The following SLCO3A1 variants were observed in gnomAD, a reference collection of about 807,000 sequenced individuals.
SLCO3A1 encodes solute carrier organic anion transporter family member 3A1.
In SLCO3A1, 27 loss-of-function variants were observed where a neutral mutation model predicts 63.1. The ratio of observed to expected loss-of-function variants is 0.43; its 90% CI spans 0.32 to 0.59. The LOEUF is 0.59. SLCO3A1 is among the 20% of genes least tolerant of loss of function. The probability of loss-of-function intolerance (pLI) is 0.09; values close to 1 mark genes in which losing one functional copy is unlikely to be tolerated. For synonymous variants in SLCO3A1, 473 were observed against 409.9 expected (o/e 1.15, Z -1.86); for missense variants, 773 against 945.8 (o/e 0.82, Z 2.40).
chr15:92,170,605 T>C (rs1019989920), downstream of SLCO3A1, among the ~76,000 whole-genome samples: 2 of 152,214 alleles, frequency 1.3e-5, no homozygotes, highest in Admixed American at 6.5e-5. Context: ...TAGCTTCTTA[T>C]GAAGCCTCTG....
chr15:91,900,407 G>T lies in SLCO3A1; in HGVS notation c.181-15586G>T, dbSNP rs1371928530. On this transcript the variant is annotated intron_variant, in intron 1 of 9. Transcript: ENST00000318445. The surrounding 1 kb of genome is among the most constrained non-coding windows in gnomAD (Gnocchi z 4.3). ...TGCAGTGGTGTGATCTCAGCTCACTGCAACCTCCACTTCCTGGGTTCAAGC... is the reference window on the plus strand; with the variant it reads ...TGCAGTGGTGTGATCTCAGCTCACTTCAACCTCCACTTCCTGGGTTCAAGC... 6.6e-6 allele frequency among the ~76,000 whole-genome samples: 1 copy of T among 152,180 alleles called. No homozygotes were observed. The highest frequency in any genetic ancestry group is 1.9e-4 in the East Asian group (1 of 5,198).
intron 2 of SLCO3A1, among the ~76,000 whole-genome samples, chr15:91,962,479 CAAAAAAAAAAA>C (rs35274991): frequency 3.7e-5 from 3 of 81,732 alleles, no homozygotes; most frequent in East Asian, 3.6e-4. Context: ...AACTCCGTCT[CAAAAAAAAAAA>C]AAAAAAAAAA....
At chr15:91,997,643 A>G (rs576730162) in intron 2 of SLCO3A1, among the ~76,000 whole-genome samples, 1 of 152,246 alleles carries the variant, frequency 6.6e-6, no homozygotes, top group Non-Finnish European at 1.5e-5. Flanking sequence ...ATGACATGGT[A>G]CTTATACAAA....
At chr15:92,000,270 T>G (rs2046237815) in intron 2 of SLCO3A1, among the ~76,000 whole-genome samples, 1 of 152,136 alleles carries the variant, frequency 6.6e-6, no homozygotes. Flanking sequence ...CCCACAGTTA[T>G]GAAATCATGC....
chr15:91,958,878 A>G (rs1378818341), intron 2 of SLCO3A1, among the ~76,000 whole-genome samples: 3 of 152,206 alleles, frequency 2.0e-5, no homozygotes, highest in Non-Finnish European at 4.4e-5. Context: ...TTAAAGAACT[A>G]AAAGGAGAAC....
At chr15:92,079,760 C>T (rs961466348) in intron 2 of SLCO3A1, among the ~76,000 whole-genome samples, 3 of 152,202 alleles carry the variant, frequency 2.0e-5, no homozygotes, top group South Asian at 2.1e-4. Context: ...GTGAGTGCCT[C>T]GAGCACAGCC....
chr15:91,996,730 C>T (rs924012246), intron 2 of SLCO3A1, among the ~76,000 whole-genome samples: 2 of 152,050 alleles, frequency 1.3e-5, no homozygotes, highest in Non-Finnish European at 2.9e-5. Context: ...AACAACACTA[C>T]AATTAATGAG....
At chr15:92,049,302 C>G (rs897932684) in intron 2 of SLCO3A1, among the ~76,000 whole-genome samples, 1 of 152,136 alleles carries the variant, frequency 6.6e-6, no homozygotes, top group Non-Finnish European at 1.5e-5. Context: ...TGTCTGAAAT[C>G]CAGATTCCCA....
chr15:91,884,486 T>G, intron 1 of SLCO3A1, among the ~76,000 whole-genome samples: 1 of 130,700 alleles, frequency 7.7e-6, no homozygotes, highest in East Asian at 2.3e-4. Flanking sequence ...CGCTCCACCC[T>G]GGGCAACAGA....
chr15:91,892,987 T>C (rs2151358563), intron 1 of SLCO3A1, among the ~76,000 whole-genome samples: 1 of 152,356 alleles, frequency 6.6e-6, no homozygotes, highest in Admixed American at 6.5e-5. Flanking sequence ...GTATGATACT[T>C]GGCTAGTAAT....
intron 9 of SLCO3A1, chr15:92,155,195 GTCTTGGCTACTCC>G (rs1055107709): frequency 6.6e-6 from 1 of 151,518 alleles, no homozygotes; most frequent in Non-Finnish European, 1.5e-5. Flanking sequence ...TTCTGCAGGT[GTCTTGGCTACTCC>G]TTTTCTCTCC....
intron 8 of SLCO3A1, among the ~76,000 whole-genome samples, chr15:92,147,624 A>G (rs1045541770): frequency 6.6e-6 from 1 of 152,122 alleles, no homozygotes; most frequent in Admixed American, 6.5e-5. Flanking sequence ...CACTGAGACC[A>G]TGTGTGTGCA....
rs2048484313 is a variant in SLCO3A1 at position 92,165,257 on chromosome 15, T to G, written c.*2122T>G. 1.4e-5 allele frequency: 14 copies of G among 985,412 alleles called. No homozygotes were observed. The highest frequency in any genetic ancestry group is 1.7e-5 in the Non-Finnish European group (14 of 829,916). The allele number at this position is 985,412 out of a possible 1,614,324, so 61.0% of individuals were successfully genotyped here. On this transcript the variant is annotated 3_prime_UTR_variant, in exon 10 of 10. Transcript: ENST00000318445. ...TGCTTAGTGTTAGTATGTCCTTGCTTATGAAAATGGGGACACTCATCAGTA... is the reference window on the plus strand; with the variant it reads ...TGCTTAGTGTTAGTATGTCCTTGCTGATGAAAATGGGGACACTCATCAGTA...
intron 2 of SLCO3A1, among the ~76,000 whole-genome samples, chr15:91,934,841 G>A (rs1049147918): frequency 3.3e-5 from 5 of 152,054 alleles, no homozygotes; most frequent in Admixed American, 2.0e-4. Flanking sequence ...GTATAATTCC[G>A]TAAGTTACTG....
chr15:92,130,757 C>G (rs1223936376), intron 7 of SLCO3A1, among the ~76,000 whole-genome samples: 1 of 152,002 alleles, frequency 6.6e-6, no homozygotes, highest in African/African-American at 2.4e-5. Context: ...GAGTGAAAAG[C>G]AATTTAAATC....
chr15:92,068,918 G>A (rs1368719196), intron 2 of SLCO3A1, among the ~76,000 whole-genome samples: 1 of 152,094 alleles, frequency 6.6e-6, no homozygotes, highest in Non-Finnish European at 1.5e-5. Context: ...TAACACGCTG[G>A]GTCACACAAC....
rs372454258 is a variant in SLCO3A1 at position 92,165,605 on chromosome 15, C to T, written c.*2470C>T. On this transcript the variant is annotated 3_prime_UTR_variant, in exon 10 of 10. Coordinates refer to ENST00000318445, the MANE Select transcript of SLCO3A1 (RefSeq NM_013272.4). ...AGATGTTAGAATAACAGGAAGACAACTCCAGGGCTGAGTTTTATCAGCAAT... is the reference window on the plus strand; with the variant it reads ...AGATGTTAGAATAACAGGAAGACAATTCCAGGGCTGAGTTTTATCAGCAAT... 4.1e-6 allele frequency: 4 copies of T among 985,222 alleles called. No homozygotes were observed. The highest frequency in any genetic ancestry group is 4.8e-6 in the Non-Finnish European group (4 of 829,810). The allele number at this position is 985,222 out of a possible 1,614,324, so 61.0% of individuals were successfully genotyped here.
intron 9 of SLCO3A1, among the ~76,000 whole-genome samples, chr15:92,159,375 C>T (rs1048342585): frequency 1.3e-5 from 2 of 151,862 alleles, no homozygotes; most frequent in African/African-American, 2.4e-5. Context: ...GTCCCAGCTA[C>T]TTGGGAGACT....
At position 92,165,655 on chromosome 15, in the gene SLCO3A1, T is replaced by C; in HGVS notation, c.*2520T>C. On this transcript the variant is annotated 3_prime_UTR_variant, in exon 10 of 10. Coordinates refer to ENST00000318445, the MANE Select transcript of SLCO3A1 (RefSeq NM_013272.4). ...TTGGGTATAAATTTAAAGACCGCTG[T>C]TGCAGGATGGCTCTGAATTCTGTTG... The C allele has an allele frequency of 1.0e-6, 1 of 985,448 alleles. No homozygotes were observed. The highest frequency in any genetic ancestry group is 1.2e-6 in the Non-Finnish European group (1 of 829,918). 61.0% of individuals were successfully genotyped at this position (985,448 alleles called of 1,614,324 possible). A position where few individuals can be genotyped will look rare whatever the true frequency, so the allele number is the denominator to read the frequency against.
Sources: gnomAD v4.1 joint callset for allele counts (sites outside exome capture counted in the v4.1 genomes callset) on GRCh38, gnomAD v4.1.1 for gene constraint, Gnocchi (gnomAD v3.1) non-coding constraint, MANE v1.5 for transcripts, NCBI Gene and HGNC (gene_info 2026-07-23, HGNC 2026-07-21) for gene names.